Variants in LCOR observed in about 807,000 individuals in gnomAD.
The protein encoded by LCOR is ligand-dependent corepressor.
Under a neutral mutation model 64.4 loss-of-function variants are expected in LCOR, and 14 were observed. That is an observed-to-expected ratio of 0.22 (90% CI 0.14 to 0.34). LCOR has a LOEUF of 0.34. LCOR is among the 10% of genes least tolerant of loss of function. The pLI is 1.00. For missense variants in LCOR, 1,686 were observed against 1,765.3 expected, an observed-to-expected ratio of 0.96 and a Z score of 0.80; for synonymous variants, 643 against 642.5, an observed-to-expected ratio of 1.00 and a Z score of -0.01.
intron 4 of LCOR, among the ~76,000 whole-genome samples, chr10:96,908,985 G>A (rs1008246240): frequency 6.6e-6 from 1 of 151,976 alleles, no homozygotes; most frequent in African/African-American, 2.4e-5. Flanking sequence ...AAAGTGCTAG[G>A]ATTACAGGCG....
chr10:96,937,555 T>C (rs902907444), intron 4 of LCOR, among the ~76,000 whole-genome samples: 1 of 152,194 alleles, frequency 6.6e-6, no homozygotes, highest in African/African-American at 2.4e-5. Flanking sequence ...TCTCATGATA[T>C]TGCCCAGGCT....
Position 96,995,739 on chromosome 10 carries a change from A to T in LCOR, c.*10605A>T, listed in dbSNP as rs1848236993. The T allele has an allele frequency of 6.6e-6, 1 of 152,210 alleles. No homozygotes were observed. The highest frequency in any genetic ancestry group is 2.4e-5 in the African/African-American group (1 of 41,444). 9.4% of individuals were successfully genotyped at this position (152,210 alleles called of 1,614,324 possible). A position where few individuals can be genotyped will look rare whatever the true frequency, so the allele number is the denominator to read the frequency against. On this transcript the variant is annotated 3_prime_UTR_variant, in exon 8 of 8. Transcript: ENST00000421806. This position sits in a 1 kb window ranked among gnomAD's most constrained non-coding sequence, Gnocchi z 4.2. ...GTTTTGCTTTCCTATCAGGCCATGTAGGAAACTGTGTTCTTGTTATTGGTA... is the reference window on the plus strand; with the variant it reads ...GTTTTGCTTTCCTATCAGGCCATGTTGGAAACTGTGTTCTTGTTATTGGTA...
chr10:96,832,494 T>A (rs1327734815), intron 1 of LCOR, 95 bp downstream of exon 1: 3 of 317,278 alleles, frequency 9.5e-6, no homozygotes, highest in Non-Finnish European at 1.4e-5. Context: ...CAATTGCTGC[T>A]CCGGCCCGCC....
chr10:96,955,322 A>T (rs767968635), intron 7 of LCOR: 1 of 1,614,076 alleles, frequency 6.2e-7, no homozygotes, highest in South Asian at 1.1e-5. Flanking sequence ...CAAAAATGGC[A>T]CTTCAAGCAA....
intron 2 of LCOR, among the ~76,000 whole-genome samples, chr10:96,873,865 ATATTG>A (rs2134409671): frequency 6.6e-6 from 1 of 152,250 alleles, no homozygotes; most frequent in East Asian, 1.9e-4. Flanking sequence ...AATGATTAAA[ATATTG>A]TATTCTTCTA....
chr10:96,905,485 G>T (rs1219411708), intron 2 of LCOR, among the ~76,000 whole-genome samples: 1 of 152,040 alleles, frequency 6.6e-6, no homozygotes, highest in Admixed American at 6.6e-5. Context: ...GATAGGCTGT[G>T]GGATTTATTT....
At chr10:96,885,031 G>C (rs895540456) in intron 2 of LCOR, among the ~76,000 whole-genome samples, 1 of 152,094 alleles carries the variant, frequency 6.6e-6, no homozygotes, top group African/African-American at 2.4e-5. Flanking sequence ...AGACTTTTAA[G>C]TTGTCTTCAC....
At chr10:96,866,055 T>A (rs1845968307) in intron 2 of LCOR, among the ~76,000 whole-genome samples, 4 of 152,204 alleles carry the variant, frequency 2.6e-5, no homozygotes, top group African/African-American at 9.7e-5. Flanking sequence ...TCTTTCTTTG[T>A]CAGACTTTTG....
At chr10:96,849,795 T>A (rs985761885) in intron 2 of LCOR, among the ~76,000 whole-genome samples, 3 of 151,672 alleles carry the variant, frequency 2.0e-5, no homozygotes, top group African/African-American at 7.3e-5. Context: ...GCAGACCAGA[T>A]GTGTCAGTGG....
At chr10:96,941,213 A>G (rs1479972410) in intron 4 of LCOR, among the ~76,000 whole-genome samples, 1,088 of 90,808 alleles carry the variant, frequency 0.012, 5 homozygotes, top group African/African-American at 0.044. Flanking sequence ...TCCCTCCCGG[A>G]CGGGGCGGCT....
rs193173255 is a variant in LCOR at position 96,838,334 on chromosome 10, C to G, written c.-330+4855C>G. On this transcript the variant is annotated intron_variant, in intron 2 of 7. Transcript: ENST00000421806. ...GTGGGGTCCTGCCATGTTGCCCAGGCTGGTCTTGAACTCCTGGGCTCAAGT... is the reference window on the plus strand; with the variant it reads ...GTGGGGTCCTGCCATGTTGCCCAGGGTGGTCTTGAACTCCTGGGCTCAAGT... Among the ~76,000 whole-genome samples, 25 of 152,216 alleles carry G rather than the reference C, an allele frequency of 1.6e-4. No individual in the cohort carries two copies. The East Asian group carries it at 3.5e-3, about 21-fold the overall frequency.
Position 96,973,444 on chromosome 10 carries a change from A to G in LCOR, c.333-7349A>G, listed in dbSNP as rs140498185. Among the ~76,000 whole-genome samples the G allele has an allele frequency of 6.7e-3, 1,026 of 152,348 alleles. 12 individuals carry two copies. The highest frequency in any genetic ancestry group is 0.023 in the African/African-American group (976 of 41,572). On this transcript the variant is annotated intron_variant, in intron 7 of 7. Transcript: ENST00000421806. Reference sequence around the variant, plus strand: ...AGATGTGAAATAGCCAAGAGTAGATAAATTTCTCCGTGTAGAGCAAGGACT... The same window carrying G: ...AGATGTGAAATAGCCAAGAGTAGATGAATTTCTCCGTGTAGAGCAAGGACT...
intron 2 of LCOR, among the ~76,000 whole-genome samples, chr10:96,836,564 G>A (rs1845444808): frequency 6.6e-6 from 1 of 152,222 alleles, no homozygotes; most frequent in Non-Finnish European, 1.5e-5. Flanking sequence ...AAACCTTAGA[G>A]AAAATGTAAT....
intron 2 of LCOR, among the ~76,000 whole-genome samples, chr10:96,904,923 G>A (rs1846702797): frequency 6.6e-6 from 1 of 152,120 alleles, no homozygotes; most frequent in Non-Finnish European, 1.5e-5. Context: ...AGCAAAATAC[G>A]ACTTTACAGT....
At chr10:96,912,607 T>TTCCTTCCTTCCTTCCTTC (rs1554836477) in intron 4 of LCOR, among the ~76,000 whole-genome samples, 10 of 140,394 alleles carry the variant, frequency 7.1e-5, no homozygotes, top group South Asian at 2.3e-4. Context: ...TTTCTTCCTT[T>TTCCTTCCTTCCTTCCTTC]CTTCCTTCCT....
intron 4 of LCOR, among the ~76,000 whole-genome samples, chr10:96,937,972 G>A (rs1263482104): frequency 6.6e-6 from 1 of 152,094 alleles, no homozygotes; most frequent in African/African-American, 2.4e-5. Flanking sequence ...TGAGGGTCTC[G>A]CCCTGGTCTT....
chr10:96,952,244 A>G (rs772539208), intron 7 of LCOR, 48 bp downstream of exon 7: 86 of 1,318,364 alleles, frequency 6.5e-5, no homozygotes, highest in Non-Finnish European at 5.4e-6. Context: ...TAGATAATTC[A>G]TCAAAGGTTG....
chr10:96,857,175 A>G (rs1418250109), intron 2 of LCOR, among the ~76,000 whole-genome samples: 1 of 152,158 alleles, frequency 6.6e-6, no homozygotes, highest in East Asian at 1.9e-4. Flanking sequence ...GACATTTTAG[A>G]CAAAGAAATA....
intron 2 of LCOR, among the ~76,000 whole-genome samples, chr10:96,902,071 A>T (rs1293334292): frequency 6.6e-6 from 1 of 151,952 alleles, no homozygotes; most frequent in Non-Finnish European, 1.5e-5. Context: ...TAATTTTAGT[A>T]GTTTTTCTCC....
Sources: gnomAD v4.1 joint callset for allele counts (sites outside exome capture counted in the v4.1 genomes callset) on GRCh38, gnomAD v4.1.1 for gene constraint, Gnocchi (gnomAD v3.1) non-coding constraint, MANE v1.5 for transcripts, NCBI Gene and HGNC (gene_info 2026-07-23, HGNC 2026-07-21) for gene names.